Variants in FGF12 observed in about 807,000 individuals in gnomAD.
FGF12 encodes the protein fibroblast growth factor 12.
In FGF12, 14 loss-of-function variants were observed where a neutral mutation model predicts 23.6. That is an observed-to-expected ratio of 0.59 (90% CI 0.39 to 0.93). FGF12 has a LOEUF of 0.93. FGF12 is among the 40% of genes least tolerant of loss of function. FGF12 has a pLI of 0.00. For missense variants in FGF12, 175 were observed against 217.8 expected (o/e 0.80, Z 1.24); for synonymous variants, 62 against 77.3 (o/e 0.80, Z 1.04).
chr3:192,361,588 C>G (rs1382700875), intron 2 of FGF12, among the ~76,000 whole-genome samples: 2 of 152,176 alleles, frequency 1.3e-5, no homozygotes, highest in Non-Finnish European at 2.9e-5. Flanking sequence ...TCAACTTCAT[C>G]CTTCATCCAT....
intron 2 of FGF12, among the ~76,000 whole-genome samples, chr3:192,415,032 A>G (rs1041631244): frequency 6.6e-6 from 1 of 152,184 alleles, no homozygotes; most frequent in Non-Finnish European, 1.5e-5. Flanking sequence ...GCTCAATAAG[A>G]AAATCAAAGG....
At chr3:192,192,869 T>C (rs75580546) in intron 4 of FGF12, among the ~76,000 whole-genome samples, 3,328 of 152,316 alleles carry the variant, frequency 0.022, 139 homozygotes, top group African/African-American at 0.076. Flanking sequence ...TTGAGATGTT[T>C]GTTATTTTAA....
At chr3:192,464,160 T>TG (rs1293239806) in intron 2 of FGF12, among the ~76,000 whole-genome samples, 1 of 152,104 alleles carries the variant, frequency 6.6e-6, no homozygotes, top group Admixed American at 6.5e-5. Context: ...TCAGTAGGTC[T>TG]GGGGGGAACA....
rs145543275 is a variant in FGF12 at position 192,696,741 on chromosome 3, C to T, written c.13+30440G>A. 4.1e-3 allele frequency among the ~76,000 whole-genome samples: 618 copies of T among 151,990 alleles called. 5 individuals are homozygous for T. The highest frequency in any genetic ancestry group is 0.013 in the African/African-American group (550 of 41,448). ...ATGTTCTTAAACTTAAAGGGGCTAGCGGTCTTGTTAAATGTGAATTCTAGC... is the reference window on the plus strand; with the variant it reads ...ATGTTCTTAAACTTAAAGGGGCTAGTGGTCTTGTTAAATGTGAATTCTAGC... On this transcript the variant is annotated intron_variant, in intron 2 of 5. Coordinates refer to ENST00000445105, the MANE Select transcript of FGF12 (RefSeq NM_004113.6).
chr3:192,712,364 G>GA (rs1560202801), intron 2 of FGF12, among the ~76,000 whole-genome samples: 1 of 151,158 alleles, frequency 6.6e-6, no homozygotes, highest in African/African-American at 2.4e-5. Context: ...AAGAATTAAA[G>GA]AAAAAAATTC....
At chr3:192,465,948 G>C (rs558668117) in intron 2 of FGF12, among the ~76,000 whole-genome samples, 41 of 152,268 alleles carry the variant, frequency 2.7e-4, no homozygotes, top group South Asian at 2.1e-4. Flanking sequence ...AACTTCAGTG[G>C]ATAGTGCAAC....
intron 2 of FGF12, among the ~76,000 whole-genome samples, chr3:192,429,026 A>G (rs1399552869): frequency 6.6e-6 from 1 of 152,072 alleles, no homozygotes; most frequent in Non-Finnish European, 1.5e-5. Flanking sequence ...GGCTTTCTCA[A>G]TTAGATCATG....
intron 2 of FGF12, among the ~76,000 whole-genome samples, chr3:192,633,393 T>C (rs567202710): frequency 6.6e-6 from 1 of 152,250 alleles, no homozygotes; most frequent in East Asian, 1.9e-4. Context: ...TTTAAGCTAA[T>C]ATGGCTTCAT....
chr3:192,394,706 T>A (rs1052557966), intron 2 of FGF12, among the ~76,000 whole-genome samples: 2 of 152,166 alleles, frequency 1.3e-5, no homozygotes, highest in African/African-American at 4.8e-5. Context: ...TTAGACTGAA[T>A]CAAAAACCTC....
chr3:192,578,256 T>G (rs552989152), intron 2 of FGF12, among the ~76,000 whole-genome samples: 1 of 152,314 alleles, frequency 6.6e-6, no homozygotes, highest in African/African-American at 2.4e-5. Context: ...TTACATATAT[T>G]AACTAATTTA....
rs547918361 is a variant in FGF12, at chr3:192,648,290, T to C, written c.13+78891A>G. On this transcript the variant is annotated intron_variant, in intron 2 of 5. Coordinates refer to ENST00000445105, the MANE Select transcript of FGF12 (RefSeq NM_004113.6). Reference sequence around the variant, plus strand: ...ATGGTCTATAACAACTGACTAGTGGTCCAGATAATAATGTATCCTAGAAAA... The same window carrying C: ...ATGGTCTATAACAACTGACTAGTGGCCCAGATAATAATGTATCCTAGAAAA... 3.9e-5 allele frequency among the ~76,000 whole-genome samples: 6 copies of C among 152,222 alleles called. No homozygotes were observed. In the South Asian group the frequency reaches 1.2e-3, roughly 32 times the overall value.
chr3:192,493,860 A>C (rs529476822), intron 2 of FGF12, among the ~76,000 whole-genome samples: 1 of 152,102 alleles, frequency 6.6e-6, no homozygotes, highest in African/African-American at 2.4e-5. Context: ...CACCTCCAGC[A>C]CTGGGAATTA....
intron 2 of FGF12, among the ~76,000 whole-genome samples, chr3:192,441,313 T>C (rs904709218): frequency 2.6e-5 from 4 of 152,174 alleles, no homozygotes; most frequent in Non-Finnish European, 5.9e-5. Context: ...AAATGAATCT[T>C]TGACTGGGGG....
At chr3:192,183,773 G>C (rs1020587423) in intron 4 of FGF12, among the ~76,000 whole-genome samples, 6 of 152,144 alleles carry the variant, frequency 3.9e-5, no homozygotes, top group African/African-American at 1.4e-4. Flanking sequence ...GCTGAGCAGG[G>C]GAAGGAATTA....
intron 4 of FGF12, among the ~76,000 whole-genome samples, chr3:192,228,565 G>A (rs1718856746): frequency 6.6e-6 from 1 of 152,032 alleles, no homozygotes. Context: ...AAAAATAATG[G>A]AAAATTTATC....
intron 2 of FGF12, among the ~76,000 whole-genome samples, chr3:192,493,927 T>A (rs911209314): frequency 4.6e-5 from 7 of 151,832 alleles, no homozygotes; most frequent in Non-Finnish European, 1.0e-4. Context: ...ACAGGATGAT[T>A]TTTTTCTGTT....
chr3:192,650,477 C>T lies in FGF12; in HGVS notation c.13+76704G>A, dbSNP rs193205053. 2.6e-3 allele frequency among the ~76,000 whole-genome samples: 396 copies of T among 152,322 alleles called. 1 individual carries two copies. Among genetic ancestry groups the T allele is most frequent in the Non-Finnish European group, 2.4e-3 (160 of 68,024 alleles). The stretch of plus-strand genomic sequence containing the variant: ...ACAGTTCCCATCTGTATGAGCTTCC[C>T]TGAGCCACCCAAACAACAACCCACT... On this transcript the variant is annotated intron_variant, in intron 2 of 5. Transcript: ENST00000445105.
At chr3:192,609,928 A>G (rs1714488785) in intron 2 of FGF12, among the ~76,000 whole-genome samples, 1 of 152,116 alleles carries the variant, frequency 6.6e-6, no homozygotes, top group African/African-American at 2.4e-5. Context: ...GTACCTGAGC[A>G]TAAGCACAAC....
At chr3:192,388,893 T>C (rs1192909043) in intron 2 of FGF12, among the ~76,000 whole-genome samples, 1 of 151,588 alleles carries the variant, frequency 6.6e-6, no homozygotes, top group Non-Finnish European at 1.5e-5. Flanking sequence ...TCTTATGAAA[T>C]ATAAAGTGGT....
Sources: gnomAD v4.1 joint callset for allele counts (sites outside exome capture counted in the v4.1 genomes callset) on GRCh38, gnomAD v4.1.1 for gene constraint, MANE v1.5 for transcripts, NCBI Gene and HGNC (gene_info 2026-07-23, HGNC 2026-07-21) for gene names.